The following CSGALNACT1 variants were observed in gnomAD, a reference collection of about 807,000 sequenced individuals.
CSGALNACT1 encodes beta4GalNAcT-1.
CSGALNACT1 carries 52 observed loss-of-function variants against 51.0 expected under a neutral mutation model. The ratio of observed to expected loss-of-function variants is 1.02; its 90% confidence interval spans 0.82 to 1.29. The LOEUF (loss-of-function observed/expected upper bound fraction) is 1.29, where lower values mean the gene tolerates loss of function less well. CSGALNACT1 is among the 50% of genes most tolerant of loss of function. The probability of loss-of-function intolerance (pLI) is 0.00; values close to 1 mark genes in which losing one functional copy is unlikely to be tolerated. For synonymous variants in CSGALNACT1, 341 were observed against 254.4 expected (o/e 1.34, Z -3.24); for missense variants, 935 against 679.2 (o/e 1.38, Z -4.19).
chr8:19,421,612 G>T (rs1249630967), intron 6 of CSGALNACT1, among the ~76,000 whole-genome samples: 3 of 152,146 alleles, frequency 2.0e-5, no homozygotes, highest in Non-Finnish European at 2.9e-5. Flanking sequence ...CTTTCCAAAA[G>T]GTACAGAAAC....
In CSGALNACT1 at chr8:19,594,723, T is replaced by A. The variant is rs562863571; in HGVS notation, c.-415-3445A>T. 2.0e-3 allele frequency among the ~76,000 whole-genome samples: 301 copies of A among 152,156 alleles called. 2 individuals are homozygous for A. Among genetic ancestry groups the A allele is most frequent in the African/African-American group, 5.6e-3 (231 of 41,524 alleles). On this transcript the variant is annotated intron_variant, in intron 2 of 9. Coordinates refer to ENST00000454498, the Ensembl canonical transcript of CSGALNACT1. Reference sequence around the variant, plus strand: ...CAGGCCTGGCTAATTTTTTTTTTTTTTTATTTTTACTAGAGACAGGGTTTC... The same window carrying A: ...CAGGCCTGGCTAATTTTTTTTTTTTATTATTTTTACTAGAGACAGGGTTTC...
chr8:19,560,669 G>C lies in CSGALNACT1; in HGVS notation c.-297+30491C>G, dbSNP rs566356317. Reference sequence around the variant, plus strand: ...GAAAAGCAAAATAAAACCACAAAGAGATATGAATACACACCTTCATTCTGC... The same window carrying C: ...GAAAAGCAAAATAAAACCACAAAGACATATGAATACACACCTTCATTCTGC... On this transcript the variant is annotated intron_variant, in intron 3 of 9. Transcript: ENST00000454498. Among the ~76,000 whole-genome samples, 4 of 152,262 alleles carry C rather than the reference G, an allele frequency of 2.6e-5. No individual in the cohort carries two copies. In the East Asian group the frequency reaches 7.7e-4, roughly 29 times the overall value.
At chr8:19,419,209 G>C (rs2057464101) in intron 7 of CSGALNACT1, among the ~76,000 whole-genome samples, 1 of 152,174 alleles carries the variant, frequency 6.6e-6, no homozygotes, top group South Asian at 2.1e-4. Context: ...GCAGCACCAA[G>C]TGGACCAGAC....
At position 19,412,102 on chromosome 8, in the gene CSGALNACT1, G is replaced by T. The variant is rs143130912; in HGVS notation, c.1228-3408C>A. Among the ~76,000 whole-genome samples, 926 of 152,182 alleles carry T rather than the reference G, an allele frequency of 6.1e-3. 8 individuals carry two copies. Among genetic ancestry groups the T allele is most frequent in the African/African-American group, 0.021 (877 of 41,530 alleles). On this transcript the variant is annotated intron_variant, in intron 8 of 9. Transcript: ENST00000454498. ...CCTGCCTCAGCCTCCTAAAGTGCTG[G>T]GATCACAGGCATGGGCCACCGCACC...
At chr8:19,739,797 A>G (rs573385253) in intron 1 of CSGALNACT1, among the ~76,000 whole-genome samples, 34 of 152,310 alleles carry the variant, frequency 2.2e-4, no homozygotes, top group African/African-American at 7.9e-4. Context: ...ACTGTGTGGA[A>G]CCACCACCCC....
chr8:19,750,254 G>A (rs1304540542), intron 1 of CSGALNACT1, among the ~76,000 whole-genome samples: 1 of 152,058 alleles, frequency 6.6e-6, no homozygotes, highest in Non-Finnish European at 1.5e-5. Context: ...CATCCTCTTT[G>A]GCCAGCTTAG....
rs1393068722 is a variant in CSGALNACT1, at chr8:19,682,427, C to G, written c.-544+46G>C. On this transcript the variant is annotated intron_variant, in intron 1 of 9. Coordinates refer to the CSGALNACT1 transcript ENST00000332246. ...CCAGCACTCCCCAAACAGAAAGTTG[C>G]AGCAAATTTCACACCCAATAAAGGA... 1.8e-5 allele frequency: 6 copies of G among 335,932 alleles called. No homozygotes were observed. In the East Asian group the frequency reaches 4.6e-4, roughly 26 times the overall value. The allele number at this position is 335,932 out of a possible 1,614,324, so 20.8% of individuals were successfully genotyped here.
In CSGALNACT1 at chr8:19,524,244, C is replaced by T. The variant is rs568156117; in HGVS notation, c.-296-18114G>A. ...GTTCAATGCTACAGCAAGGATCACA[C>T]CATCTCACCCCAGCCTGGGCAACAG... On this transcript the variant is annotated intron_variant, in intron 3 of 9. Transcript: ENST00000454498. 3.9e-5 allele frequency among the ~76,000 whole-genome samples: 6 copies of T among 152,244 alleles called. No homozygotes were observed. In the South Asian group the frequency reaches 1.2e-3, roughly 32 times the overall value.
chr8:19,603,132 G>A (rs114377999), upstream of CSGALNACT1, among the ~76,000 whole-genome samples: 5,562 of 125,170 alleles, frequency 0.044, 383 homozygotes, highest in African/African-American at 0.16. Context: ...AAAAAAAAAA[G>A]TAGAAAGAAA....
intron 8 of CSGALNACT1, among the ~76,000 whole-genome samples, chr8:19,413,566 T>C (rs931312251): frequency 5.3e-5 from 8 of 152,162 alleles, no homozygotes; most frequent in African/African-American, 1.9e-4. Flanking sequence ...CAAGGATGCA[T>C]AGGATGTGCC....
intron 3 of CSGALNACT1, among the ~76,000 whole-genome samples, chr8:19,580,148 A>G (rs1399458638): frequency 6.6e-6 from 1 of 152,232 alleles, no homozygotes; most frequent in Non-Finnish European, 1.5e-5. Flanking sequence ...GAGCAGTCTT[A>G]CTGGGATGAG....
chr8:19,611,434 C>T (rs957337459), intron 1 of CSGALNACT1, among the ~76,000 whole-genome samples: 2 of 152,204 alleles, frequency 1.3e-5, no homozygotes, highest in Non-Finnish European at 2.9e-5. Context: ...TGGGCACTTG[C>T]TGTAAACCAC....
At chr8:19,698,844 T>C (rs2061713887) in intron 1 of CSGALNACT1, among the ~76,000 whole-genome samples, 1 of 152,216 alleles carries the variant, frequency 6.6e-6, no homozygotes, top group African/African-American at 2.4e-5. Flanking sequence ...TCATTATCTA[T>C]GGGGGACTGG....
intron 6 of CSGALNACT1, among the ~76,000 whole-genome samples, chr8:19,426,483 C>T (rs962858934): frequency 1.3e-5 from 2 of 152,132 alleles, no homozygotes; most frequent in African/African-American, 4.8e-5. Flanking sequence ...AAAGCAATGG[C>T]AAAGAAATGT....
chr8:19,468,633 G>T (rs748427991), intron 4 of CSGALNACT1, among the ~76,000 whole-genome samples: 10 of 152,112 alleles, frequency 6.6e-5, no homozygotes, highest in African/African-American at 9.7e-5. Flanking sequence ...TGGCAATGGA[G>T]GTGGAAAAAA....
At chr8:19,605,898 T>C (rs752291213), upstream of CSGALNACT1, among the ~76,000 whole-genome samples, 1 of 152,226 alleles carries the variant, frequency 6.6e-6, no homozygotes, top group African/African-American at 2.4e-5. Flanking sequence ...ATTTTAACCA[T>C]CTAGGAATTC....
chr8:19,653,827 T>C (rs924873680), intron 1 of CSGALNACT1, among the ~76,000 whole-genome samples: 8 of 152,084 alleles, frequency 5.3e-5, no homozygotes, highest in African/African-American at 1.9e-4. Flanking sequence ...AGCTGTACAT[T>C]TCTGTACATT....
intron 3 of CSGALNACT1, among the ~76,000 whole-genome samples, chr8:19,541,335 C>T (rs963234069): frequency 6.7e-6 from 1 of 148,604 alleles, no homozygotes; most frequent in South Asian, 2.1e-4. Context: ...ACTGCAAGCT[C>T]TGCCTCCTGG....
chr8:19,505,031 G>C (rs1318049378), intron 4 of CSGALNACT1, among the ~76,000 whole-genome samples, 170 bp downstream of exon 3: 1 of 152,156 alleles, frequency 6.6e-6, no homozygotes, highest in Non-Finnish European at 1.5e-5. Flanking sequence ...GGAAACAGAT[G>C]TTTCTGAAAA....
Sources: gnomAD v4.1 joint callset for allele counts (sites outside exome capture counted in the v4.1 genomes callset) on GRCh38, gnomAD v4.1.1 for gene constraint, MANE v1.5 for transcripts, NCBI Gene and HGNC (gene_info 2026-07-23, HGNC 2026-07-21) for gene names.